ECT2: variants seen among roughly 807,000 people sequenced by gnomAD.
The protein encoded by ECT2 is epithelial cell transforming 2.
A neutral mutation model predicts 116.9 loss-of-function variants in ECT2; 61 were observed. That is an observed-to-expected ratio of 0.52 (90% CI 0.42 to 0.65). The LOEUF (loss-of-function observed/expected upper bound fraction) is 0.65. Ranked by LOEUF, ECT2 falls within the 30% of genes least tolerant of loss-of-function variation. The probability of loss-of-function intolerance (pLI) is 0.00; values close to 1 mark genes in which losing one functional copy is unlikely to be tolerated. For synonymous variants in ECT2, 358 were observed against 346.4 expected, an observed-to-expected ratio of 1.03 and a Z score of -0.37; for missense variants, 937 against 1,078.7, an observed-to-expected ratio of 0.87 and a Z score of 1.84.
rs913720476 is a variant in ECT2 at position 172,754,490 on chromosome 3, T to G, written c.-22-19T>G. ...AATGACCATGTTTATGTATTTTTATTCAAATTTTATTTTTTCAGCTGATTT... is the reference window on the plus strand; with the variant it reads ...AATGACCATGTTTATGTATTTTTATGCAAATTTTATTTTTTCAGCTGATTT... On this transcript the variant is annotated intron_variant, in intron 1 of 24. Transcript: ENST00000392692. 6.6e-7 allele frequency: 1 copy of G among 1,515,822 alleles called. No homozygotes were observed. Among genetic ancestry groups the G allele is most frequent in the Non-Finnish European group, 8.9e-7 (1 of 1,129,140 alleles). 93.9% of individuals were successfully genotyped at this position (1,515,822 alleles called of 1,614,324 possible).
the ECT2 span, chr3:172,829,055 G>C: frequency 1.4e-6 from 1 of 734,238 alleles, no homozygotes; most frequent in Non-Finnish European, 2.5e-6. Context: ...CTGTGGGAAG[G>C]CTGTTTAGAT....
chr3:172,827,930 T>A, the ECT2 span, among the ~76,000 whole-genome samples: 1 of 152,182 alleles, frequency 6.6e-6, no homozygotes, highest in Non-Finnish European at 1.5e-5. Context: ...ATATTATTGT[T>A]GACATTTTAA....
chr3:172,816,469 G>A (rs1270422844), intron 23 of ECT2, among the ~76,000 whole-genome samples: 1 of 152,082 alleles, frequency 6.6e-6, no homozygotes, highest in African/African-American at 2.4e-5. Context: ...TCCCAGGCTA[G>A]ATTTCTTTTC....
intron 18 of ECT2, among the ~76,000 whole-genome samples, chr3:172,797,418 G>T (rs1725921280): frequency 6.6e-6 from 1 of 152,108 alleles, no homozygotes; most frequent in Admixed American, 6.6e-5. Context: ...CTTTTGAGAA[G>T]GCATGGGTTG....
intron 12 of ECT2, among the ~76,000 whole-genome samples, chr3:172,767,305 G>C (rs539629246): frequency 2.0e-5 from 3 of 152,196 alleles, no homozygotes; most frequent in Admixed American, 6.5e-5. Flanking sequence ...GCAGGGTGTG[G>C]TGGTGTGCGC....
intron 12 of ECT2, among the ~76,000 whole-genome samples, chr3:172,767,111 G>C (rs1456935523): frequency 1.3e-5 from 2 of 152,174 alleles, no homozygotes; most frequent in African/African-American, 4.8e-5. Context: ...AATAATGTTT[G>C]ACAAGTGGGA....
At chr3:172,771,809 G>A (rs1304856832) in intron 13 of ECT2, among the ~76,000 whole-genome samples, 1 of 152,094 alleles carries the variant, frequency 6.6e-6, no homozygotes, top group Non-Finnish European at 1.5e-5. Flanking sequence ...GTTGATAAGA[G>A]GATAGATTTG....
chr3:172,760,090 T>G, intron 6 of ECT2, 66 bp from the exon 7 acceptor site: 1 of 1,002,904 alleles, frequency 1.0e-6, no homozygotes, highest in Non-Finnish European at 1.5e-6. Context: ...AAATGTGGGG[T>G]AAACATAGTT....
chr3:172,755,408 T>A (rs746132877), intron 3 of ECT2, 34 bp downstream of exon 3: 1 of 1,571,260 alleles, frequency 6.4e-7, no homozygotes, highest in South Asian at 1.2e-5. Context: ...TTTTTTGTAA[T>A]GCAATTTTTC....
the ECT2 span, chr3:172,829,209 G>A: frequency 5.1e-4 from 187 of 364,652 alleles, no homozygotes; most frequent in Middle Eastern, 8.0e-3. Flanking sequence ...TGGTCTCGGC[G>A]CCCAGCCAAA....
intron 8 of ECT2, 100 bp downstream of exon 8, chr3:172,761,783 C>T (rs1718354641): frequency 1.4e-6 from 1 of 734,902 alleles, no homozygotes; most frequent in Non-Finnish European, 2.2e-6. Context: ...GATATAAAAA[C>T]TGAATTCAGT....
chr3:172,813,270 GA>G (rs1729092737), intron 22 of ECT2, among the ~76,000 whole-genome samples: 1 of 151,720 alleles, frequency 6.6e-6, no homozygotes, highest in Admixed American at 6.6e-5. Flanking sequence ...TGTAAAACAT[GA>G]AAAAAATATA....
rs1455234434 is a variant in ECT2 at position 172,807,832 on chromosome 3, A to C, written c.2308A>C (p.Ser770Arg). Residue 770 changes from serine (S) to arginine (R), a missense_variant, in exon 22 of 25, where the codon AGT becomes CGT. Coordinates refer to ENST00000392692, the MANE Select transcript of ECT2 (RefSeq NM_001258315.2). ...PPTEQANVLLSFQMTSDELPK... is the reference protein window; with the variant it reads ...PPTEQANVLLRFQMTSDELPK... Reference sequence around the variant, plus strand: ...AACAGAGCAGGCAAATGTGCTACTCAGTTTCCAGATGACATCAGATGAACT... The same window carrying C: ...AACAGAGCAGGCAAATGTGCTACTCCGTTTCCAGATGACATCAGATGAACT... 6.2e-7 allele frequency: 1 copy of C among 1,613,996 alleles called. No homozygotes were observed. Among genetic ancestry groups the C allele is most frequent in the South Asian group, 1.1e-5 (1 of 91,084 alleles).
the ECT2 span, chr3:172,828,961 A>G: frequency 4.4e-6 from 6 of 1,367,598 alleles, no homozygotes; most frequent in African/African-American, 1.4e-5. Flanking sequence ...CTGCCTCAGC[A>G]CCAATAAATT....
rs184560322 is a variant in ECT2, at chr3:172,773,696, C to A, written c.1429-207C>A. Among the ~76,000 whole-genome samples the A allele has an allele frequency of 5.3e-5, 8 of 152,084 alleles. No individual in the cohort carries two copies. In the East Asian group the frequency reaches 1.5e-3, roughly 29 times the overall value. ...GCTTCTAATGACATTTCATGACGAG[C>A]ATATGTATATACATATACACAGGTA... On this transcript the variant is annotated intron_variant, in intron 13 of 24. Coordinates refer to ENST00000392692, the MANE Select transcript of ECT2 (RefSeq NM_001258315.2).
chr3:172,818,821 T>C, intron 24 of ECT2: 1 of 1,160,296 alleles, frequency 8.6e-7, no homozygotes. Context: ...TAATGTGAGC[T>C]TATTAGCTAT....
chr3:172,820,031 A>C, intron 24 of ECT2, 117 bp from the exon 25 acceptor site: 1 of 637,114 alleles, frequency 1.6e-6, no homozygotes, highest in South Asian at 2.8e-5. Context: ...GATGTCTTGT[A>C]CTTAATTGTT....
intron 21 of ECT2, among the ~76,000 whole-genome samples, chr3:172,807,108 C>T (rs1315035138): frequency 6.6e-6 from 1 of 152,146 alleles, no homozygotes; most frequent in Non-Finnish European, 1.5e-5. Context: ...TGCTCAAGTC[C>T]TGGATGTAAA....
intron 15 of ECT2, 42 bp downstream of exon 15, chr3:172,782,273 T>C (rs1362837616): frequency 4.8e-6 from 6 of 1,256,336 alleles, no homozygotes; most frequent in South Asian, 1.4e-5. Context: ...GATTAAAATA[T>C]GATCTCATCA....
Sources: gnomAD v4.1 joint callset for allele counts (sites outside exome capture counted in the v4.1 genomes callset) on GRCh38, gnomAD v4.1.1 for gene constraint, MANE v1.5 for transcripts, NCBI Gene and HGNC (gene_info 2026-07-23, HGNC 2026-07-21) for gene names.